Variants in SEPHS1 observed in about 807,000 individuals in gnomAD.
SEPHS1 encodes the protein zincore component SEPHS1.
Under a neutral mutation model 39.2 loss-of-function variants are expected in SEPHS1, and 7 were observed. That is an observed-to-expected ratio of 0.18 (90% CI 0.10 to 0.34). The LOEUF is 0.34. SEPHS1 is among the 10% of genes least tolerant of loss of function. SEPHS1 has a pLI of 1.00. For synonymous variants in SEPHS1, 190 were observed against 195.5 expected (o/e 0.97, Z 0.23); for missense variants, 253 against 514.5 (o/e 0.49, Z 4.92).
chr10:13,338,992 G>A (rs1325310408), intron 2 of SEPHS1, 184 bp from the exon 3 acceptor site: 3 of 600,918 alleles, frequency 5.0e-6, no homozygotes, highest in Non-Finnish European at 3.0e-6. Context: ...TCCAGCTTAG[G>A]ATGGAAAATA....
chr10:13,328,099 C>A (rs1279563448), intron 7 of SEPHS1, among the ~76,000 whole-genome samples: 1 of 152,162 alleles, frequency 6.6e-6, no homozygotes, highest in African/African-American at 2.4e-5. Context: ...AGGTAACCCA[C>A]ACAAACGCTT....
intron 4 of SEPHS1, among the ~76,000 whole-genome samples, 165 bp from the exon 5 acceptor site, chr10:13,334,136 G>A (rs952646197): frequency 6.6e-6 from 1 of 152,184 alleles, no homozygotes; most frequent in Admixed American, 6.5e-5. Flanking sequence ...AATCGCTCAC[G>A]CCTGTAATCC....
At chr10:13,332,099 A>G (rs757381982) in intron 5 of SEPHS1, among the ~76,000 whole-genome samples, 1 of 152,260 alleles carries the variant, frequency 6.6e-6, no homozygotes, top group Non-Finnish European at 1.5e-5. Context: ...TGGCAGCATC[A>G]TTCCTAATAG....
At chr10:13,343,415 C>T (rs1056932632) in intron 2 of SEPHS1, among the ~76,000 whole-genome samples, 1 of 152,092 alleles carries the variant, frequency 6.6e-6, no homozygotes, top group Admixed American at 6.6e-5. Context: ...TCTTCCTTTC[C>T]AACAAAAGCA....
chr10:13,322,305 C>T (rs1447570049), intron 8 of SEPHS1, among the ~76,000 whole-genome samples: 1 of 151,888 alleles, frequency 6.6e-6, no homozygotes, highest in Non-Finnish European at 1.5e-5. Flanking sequence ...CCACGCCCAG[C>T]TACTTTTTTT....
chr10:13,325,942 G>A (rs1431426933), intron 7 of SEPHS1, among the ~76,000 whole-genome samples: 1 of 18,246 alleles, frequency 5.5e-5, no homozygotes, highest in Admixed American at 6.4e-4. Context: ...AAGAGACTCA[G>A]TCTCAAAAAA....
intron 3 of SEPHS1, 65 bp downstream of exon 3, chr10:13,338,640 C>T: frequency 7.6e-7 from 1 of 1,308,330 alleles, no homozygotes; most frequent in Non-Finnish European, 1.1e-6. Context: ...TACAAAACCC[C>T]AGCCACAACC....
intron 2 of SEPHS1, among the ~76,000 whole-genome samples, chr10:13,339,306 A>T (rs1833724612): frequency 6.6e-6 from 1 of 152,192 alleles, no homozygotes; most frequent in South Asian, 2.1e-4. Context: ...ATTTTAGTCA[A>T]AAGTGAAAAT....
intron 4 of SEPHS1, among the ~76,000 whole-genome samples, chr10:13,335,165 A>C (rs898866601): frequency 6.6e-6 from 1 of 152,220 alleles, no homozygotes; most frequent in Non-Finnish European, 1.5e-5. Flanking sequence ...TGGTTCAAAG[A>C]ACAGGTTCAG....
chr10:13,334,742 T>C (rs895352032), intron 4 of SEPHS1, among the ~76,000 whole-genome samples: 3 of 152,082 alleles, frequency 2.0e-5, no homozygotes, highest in Non-Finnish European at 2.9e-5. Context: ...AGCTAGAAAA[T>C]ATTTCACATT....
intron 2 of SEPHS1, among the ~76,000 whole-genome samples, chr10:13,344,494 A>G (rs554321241): frequency 1.1e-4 from 16 of 152,146 alleles, no homozygotes; most frequent in African/African-American, 3.6e-4. Context: ...CATAACATTG[A>G]TTGCTCTTCT....
intron 1 of SEPHS1, among the ~76,000 whole-genome samples, chr10:13,346,404 A>C (rs889782527): frequency 6.6e-6 from 1 of 152,186 alleles, no homozygotes; most frequent in Non-Finnish European, 1.5e-5. Flanking sequence ...TCGCTCATAT[A>C]AATCTCACGA....
intron 2 of SEPHS1, among the ~76,000 whole-genome samples, chr10:13,344,537 G>C (rs1460846047): frequency 6.6e-6 from 1 of 151,840 alleles, no homozygotes; most frequent in African/African-American, 2.4e-5. Flanking sequence ...AAAAAATAAA[G>C]GGGGTACGAT....
At chr10:13,337,859 G>GT (rs1473733215) in intron 3 of SEPHS1, among the ~76,000 whole-genome samples, 2 of 152,204 alleles carry the variant, frequency 1.3e-5, no homozygotes, top group African/African-American at 4.8e-5. Flanking sequence ...CAATAATCTG[G>GT]TATTTGTCAC....
In SEPHS1 at chr10:13,318,306, C is replaced by T. The variant is rs1833001941; in HGVS notation, c.*836G>A. On this transcript the variant is annotated 3_prime_UTR_variant, in exon 9 of 9. Coordinates refer to ENST00000327347, the MANE Select transcript of SEPHS1 (RefSeq NM_012247.5). ...GTATTAAACACTACCATCCACAGAA[C>T]AGTCTTTACTATTGATTATATTTAA... is the stretch of plus-strand genomic sequence containing the variant. The T allele has an allele frequency of 6.6e-6, 1 of 152,558 alleles. No homozygotes were observed. The highest frequency in any genetic ancestry group is 2.4e-5 in the African/African-American group (1 of 41,426). 9.5% of individuals were successfully genotyped at this position (152,558 alleles called of 1,614,324 possible).
In SEPHS1 at chr10:13,318,807, G is replaced by A. The variant is rs760155232; in HGVS notation, c.*335C>T. 1.8e-4 allele frequency: 44 copies of A among 242,636 alleles called. No homozygotes were observed. Among genetic ancestry groups the A allele is most frequent in the African/African-American group, 2.3e-4 (10 of 43,080 alleles). 15.0% of individuals were successfully genotyped at this position (242,636 alleles called of 1,614,324 possible). A position where few individuals can be genotyped will look rare whatever the true frequency, so the allele number is the denominator to read the frequency against. On this transcript the variant is annotated 3_prime_UTR_variant, in exon 9 of 9. Coordinates refer to ENST00000327347, the MANE Select transcript of SEPHS1 (RefSeq NM_012247.5). The stretch of plus-strand genomic sequence containing the variant: ...GAAGACACCAACTGCTATTTGACAC[G>A]ACTACGGGTAATGCCTGTGCTATGT...
intron 8 of SEPHS1, among the ~76,000 whole-genome samples, chr10:13,321,539 A>G (rs978013887): frequency 6.6e-6 from 1 of 152,298 alleles, no homozygotes; most frequent in African/African-American, 2.4e-5. Context: ...CGGCATGTGT[A>G]TATTTAAAAT....
At position 13,348,073 on chromosome 10, in the gene SEPHS1, C is replaced by G. The variant is rs960342210; in HGVS notation, c.-152G>C. The stretch of plus-strand genomic sequence containing the variant: ...GCTCCCACAATGCACCGGGCGCGGC[C>G]GGGCTCCCTTAAGCGTCGCCTGAAT... On this transcript the variant is annotated 5_prime_UTR_variant, in exon 1 of 9. Coordinates refer to ENST00000327347, the MANE Select transcript of SEPHS1 (RefSeq NM_012247.5). 1 of 147,968 alleles carries G rather than the reference C, an allele frequency of 6.8e-6. No homozygotes were observed. Among genetic ancestry groups the G allele is most frequent in the African/African-American group, 2.5e-5 (1 of 40,776 alleles). 9.2% of individuals were successfully genotyped at this position (147,968 alleles called of 1,614,324 possible). A position where few individuals can be genotyped will look rare whatever the true frequency, so the allele number is the denominator to read the frequency against.
At chr10:13,338,585 A>C in intron 3 of SEPHS1, 120 bp downstream of exon 3, 1 of 736,618 alleles carries the variant, frequency 1.4e-6, no homozygotes, top group Non-Finnish European at 2.3e-6. Flanking sequence ...GTGGGGCAGT[A>C]TAGTCGGGAT....
Sources: allele counts gnomAD v4.1 joint callset (sites outside exome capture counted in the v4.1 genomes callset), GRCh38; gene constraint gnomAD v4.1.1; transcripts MANE v1.5; gene names NCBI Gene and HGNC (gene_info 2026-07-23, HGNC 2026-07-21).